The following ZFPM2 variants were observed in gnomAD, a reference collection of about 807,000 sequenced individuals.
ZFPM2 encodes zinc finger protein, FOG family member 2, also known as zinc finger protein ZFPM2.
A neutral mutation model predicts 98.6 loss-of-function variants in ZFPM2; 20 were observed. The ratio of observed to expected loss-of-function variants is 0.20; its 90% CI spans 0.14 to 0.29. The LOEUF is 0.29. Ranked by LOEUF, ZFPM2 falls within the 10% of genes least tolerant of loss-of-function variation. The pLI, the probability that ZFPM2 is intolerant of heterozygous loss-of-function variation, is 1.00. For missense variants in ZFPM2, 1,310 were observed against 1,388.6 expected (o/e 0.94, Z 0.90); for synonymous variants, 518 against 502.7 (o/e 1.03, Z -0.41).
chr8:105,597,934 A>T (rs1816005009), intron 4 of ZFPM2, among the ~76,000 whole-genome samples: 1 of 152,076 alleles, frequency 6.6e-6, no homozygotes, highest in East Asian at 1.9e-4. Context: ...TCAGATGAGA[A>T]CTCAAAAGGA....
At chr8:105,323,258 T>G (rs2130648218) in intron 1 of ZFPM2, among the ~76,000 whole-genome samples, 1 of 152,064 alleles carries the variant, frequency 6.6e-6, no homozygotes, top group Admixed American at 6.5e-5. Flanking sequence ...AAAACATTGA[T>G]CATTGTTATA....
chr8:105,423,017 TCCACA>T (rs1369615522), intron 2 of ZFPM2, among the ~76,000 whole-genome samples: 1 of 151,834 alleles, frequency 6.6e-6, no homozygotes, highest in African/African-American at 2.4e-5. Context: ...TTTTCTCAGT[TCCACA>T]CTGATATTAT....
At chr8:105,644,037 C>G (rs1304413852) in intron 5 of ZFPM2, among the ~76,000 whole-genome samples, 1 of 152,050 alleles carries the variant, frequency 6.6e-6, no homozygotes, top group Non-Finnish European at 1.5e-5. Context: ...TTTGTAAAAC[C>G]TAAAATATTA....
At chr8:105,596,496 T>G (rs2130775400) in intron 4 of ZFPM2, among the ~76,000 whole-genome samples, 1 of 152,178 alleles carries the variant, frequency 6.6e-6, no homozygotes, top group Non-Finnish European at 1.5e-5. Flanking sequence ...ATGCCATACC[T>G]AGGGAAAGAA....
At chr8:105,421,821 G>A (rs539942897) in intron 2 of ZFPM2, among the ~76,000 whole-genome samples, 2 of 152,206 alleles carry the variant, frequency 1.3e-5, no homozygotes, top group African/African-American at 4.8e-5. Flanking sequence ...GGGAGGCTGA[G>A]GCGGGTGGAT....
intron 5 of ZFPM2, among the ~76,000 whole-genome samples, chr8:105,740,528 CATAT>C (rs371953469): frequency 1.4e-5 from 2 of 143,976 alleles, no homozygotes; most frequent in African/African-American, 5.1e-5. Context: ...TGTGTGTATG[CATAT>C]ATATATATAT....
intron 5 of ZFPM2, among the ~76,000 whole-genome samples, chr8:105,659,985 T>G (rs1817356867): frequency 6.6e-6 from 1 of 152,228 alleles, no homozygotes; most frequent in Non-Finnish European, 1.5e-5. Flanking sequence ...AAAATGTCTT[T>G]TGTTTTATCC....
chr8:105,693,993 T>C lies in ZFPM2; in HGVS notation c.532+59636T>C, dbSNP rs150398788. 1.1e-4 allele frequency among the ~76,000 whole-genome samples: 9 copies of C among 82,120 alleles called. No homozygotes were observed. In the South Asian group the frequency reaches 2.6e-3, roughly 24 times the overall value. The allele number at this position is 82,120 out of a possible 152,430, so 53.9% of individuals were successfully genotyped here. On this transcript the variant is annotated intron_variant, in intron 5 of 7. Coordinates refer to ENST00000407775, the MANE Select transcript of ZFPM2 (RefSeq NM_012082.4). ...TTTTTTTCTTTTCTTTTTTTTTTTT[T>C]TTTTTTTTTGAGATGGAGTCTCACA...
At chr8:105,345,631 T>C (rs1255467825) in intron 1 of ZFPM2, among the ~76,000 whole-genome samples, 1 of 152,022 alleles carries the variant, frequency 6.6e-6, no homozygotes, top group Non-Finnish European at 1.5e-5. Flanking sequence ...AAAGACTAGT[T>C]GAAGAGGAAG....
chr8:105,352,405 A>G (rs1167767125), intron 1 of ZFPM2, among the ~76,000 whole-genome samples: 1 of 152,210 alleles, frequency 6.6e-6, no homozygotes, highest in Non-Finnish European at 1.5e-5. Flanking sequence ...TTTTCTTAAC[A>G]TTCTTCAGTG....
intron 4 of ZFPM2, among the ~76,000 whole-genome samples, chr8:105,600,699 A>T (rs1177276582): frequency 6.6e-6 from 1 of 151,646 alleles, no homozygotes. Context: ...ATTGTTTTGG[A>T]TAATCATATG....
chr8:105,348,999 A>T (rs1413272015), intron 1 of ZFPM2, among the ~76,000 whole-genome samples: 2 of 152,188 alleles, frequency 1.3e-5, no homozygotes, highest in East Asian at 3.9e-4. Flanking sequence ...TTTCTCAGGG[A>T]TCCATTTATC....
At chr8:105,319,140 A>G (rs962558327) in intron 1 of ZFPM2, among the ~76,000 whole-genome samples, 159 bp downstream of exon 1, 1 of 152,070 alleles carries the variant, frequency 6.6e-6, no homozygotes, top group Non-Finnish European at 1.5e-5. Flanking sequence ...GGACAACTAG[A>G]CAGTCATAGA....
chr8:105,747,257 T>TA (rs372912276), intron 5 of ZFPM2, among the ~76,000 whole-genome samples: 7 of 152,140 alleles, frequency 4.6e-5, no homozygotes, highest in Admixed American at 1.3e-4. Flanking sequence ...ATTGTAAAAA[T>TA]AAAAAATAGC....
intron 5 of ZFPM2, among the ~76,000 whole-genome samples, chr8:105,698,852 A>G (rs1387487853): frequency 6.6e-6 from 1 of 152,152 alleles, no homozygotes; most frequent in Non-Finnish European, 1.5e-5. Flanking sequence ...ATTTTGACTT[A>G]TAATATCTTT....
intron 6 of ZFPM2, 149 bp downstream of exon 6, chr8:105,789,073 T>G (rs1437613467): frequency 4.5e-6 from 3 of 669,906 alleles, no homozygotes. Context: ...ATATTTAATT[T>G]GAGAAAATGA....
At chr8:105,710,481 T>C (rs1232171321) in intron 5 of ZFPM2, among the ~76,000 whole-genome samples, 1 of 152,170 alleles carries the variant, frequency 6.6e-6, no homozygotes, top group East Asian at 1.9e-4. Flanking sequence ...GAAATTCTTT[T>C]ATGTGCATAC....
At chr8:105,348,417 T>A (rs1215416111) in intron 1 of ZFPM2, among the ~76,000 whole-genome samples, 1 of 152,214 alleles carries the variant, frequency 6.6e-6, no homozygotes, top group Non-Finnish European at 1.5e-5. Context: ...CAGGTTTTCG[T>A]AATGGCTAGC....
intron 5 of ZFPM2, among the ~76,000 whole-genome samples, chr8:105,654,561 T>A (rs1291111404): frequency 7.4e-6 from 1 of 134,594 alleles, no homozygotes; most frequent in Non-Finnish European, 1.6e-5. Context: ...TTAAGATTTA[T>A]CTTTTTTTCT....
Sources: allele counts gnomAD v4.1 joint callset (sites outside exome capture counted in the v4.1 genomes callset), GRCh38; gene constraint gnomAD v4.1.1; transcripts MANE v1.5; gene names NCBI Gene and HGNC (gene_info 2026-07-23, HGNC 2026-07-21).